Variants in POM121C observed in about 807,000 individuals in gnomAD.
POM121C encodes POM121 transmembrane nucleoporin C.
Under a neutral mutation model 66.4 loss-of-function variants are expected in POM121C, and 20 were observed. The observed-to-expected ratio is 0.30, with a 90% CI of 0.21 to 0.44. POM121C has a LOEUF of 0.44. POM121C is among the 20% of genes least tolerant of loss of function. The pLI is 1.00. For missense variants in POM121C, 580 were observed against 1,225.7 expected (o/e 0.47, Z 7.87); for synonymous variants, 286 against 528.0 (o/e 0.54, Z 6.28).
intron 7 of POM121C, among the ~76,000 whole-genome samples, chr7:75,431,271 T>C (rs1417671033): frequency 6.6e-6 from 1 of 152,006 alleles, no homozygotes; most frequent in East Asian, 1.9e-4. Context: ...GGTGAGGATA[T>C]GGAACAACAT....
At chr7:75,436,472 A>C in intron 7 of POM121C, among the ~76,000 whole-genome samples, 1 of 152,240 alleles carries the variant, frequency 6.6e-6, no homozygotes, top group Middle Eastern at 3.2e-3. Flanking sequence ...CTAGATATTA[A>C]ATAATATTAA....
intron 3 of POM121C, among the ~76,000 whole-genome samples, chr7:75,469,122 C>T (rs1791781786): frequency 6.6e-6 from 1 of 150,494 alleles, no homozygotes; most frequent in Admixed American, 6.7e-5. Context: ...TTTTCCTAGA[C>T]AGGGTCTTGC....
At chr7:75,426,670 T>C (rs1444580231) in intron 7 of POM121C, among the ~76,000 whole-genome samples, 1 of 65,328 alleles carries the variant, frequency 1.5e-5, no homozygotes, top group African/African-American at 6.1e-5. Flanking sequence ...CCCCCGTCTC[T>C]ACAAAAAATT....
rs57918412 is a variant in POM121C, at chr7:75,477,110, T to TACACACAC, written c.-457-1930_-457-1923dup. Among the ~76,000 whole-genome samples, 854 of 140,646 alleles carry TACACACAC rather than the reference T, an allele frequency of 6.1e-3. 5 individuals carry two copies. Among genetic ancestry groups the TACACACAC allele is most frequent in the East Asian group, 9.9e-3 (46 of 4,634 alleles). The allele number at this position is 140,646 out of a possible 152,430, so 92.3% of individuals were successfully genotyped here. On this transcript the variant is annotated intron_variant, in intron 1 of 14. Transcript: ENST00000615331. The stretch of plus-strand genomic sequence containing the variant: ...AGCACATATATACAGTTTGCGTGTA[T>TACACACAC]ACACACACACACACACACACACACT...
intron 3 of POM121C, among the ~76,000 whole-genome samples, chr7:75,447,721 TA>T (rs1326314222): frequency 1.8e-4 from 25 of 141,498 alleles, no homozygotes; most frequent in Admixed American, 5.7e-4. Flanking sequence ...ACCCTGTCTC[TA>T]AAAAAAAAAA....
intron 3 of POM121C, among the ~76,000 whole-genome samples, chr7:75,450,048 G>C (rs1447777303): frequency 6.6e-6 from 1 of 151,846 alleles, no homozygotes; most frequent in Admixed American, 6.6e-5. Context: ...AAATGCCAGA[G>C]ACGTGCAGAG....
chr7:75,421,341 G>A (rs1242529530), intron 13 of POM121C, 168 bp downstream of exon 13: 119 of 1,464,302 alleles, frequency 8.1e-5, no homozygotes, highest in Non-Finnish European at 1.1e-4. Flanking sequence ...GGCTCCTCCA[G>A]TCATTACTAC....
In POM121C at chr7:75,417,130, C is replaced by T. The variant is rs1371749050; in HGVS notation, c.*1666G>A. The T allele has an allele frequency of 1.9e-5, 19 of 1,010,324 alleles. No individual in the cohort carries two copies. In the African/African-American group the frequency reaches 3.1e-4, roughly 16 times the overall value. The allele number at this position is 1,010,324 out of a possible 1,614,324, so 62.6% of individuals were successfully genotyped here. A position where few individuals can be genotyped will look rare whatever the true frequency, so the allele number is the denominator to read the frequency against. The stretch of plus-strand genomic sequence containing the variant: ...GGTATTTAGGCTTGAGGTTCACTCC[C>T]TCCTCAGCTGCACACGCAGCCAGGT... On this transcript the variant is annotated 3_prime_UTR_variant, in exon 15 of 15. Coordinates refer to ENST00000615331, the MANE Select transcript of POM121C (RefSeq NM_001099415.3).
intron 1 of POM121C, among the ~76,000 whole-genome samples, chr7:75,481,956 C>T (rs1792324999): frequency 6.6e-6 from 1 of 152,102 alleles, no homozygotes; most frequent in Non-Finnish European, 1.5e-5. Context: ...TAGTTCTTAA[C>T]TTCACAAAAA....
intron 1 of POM121C, chr7:75,484,394 G>A: frequency 1.9e-6 from 1 of 537,522 alleles, no homozygotes; most frequent in Non-Finnish European, 3.3e-6. Context: ...ACTCAGAAGG[G>A]TCTAAAAGAG....
chr7:75,433,965 C>T (rs189575715), intron 7 of POM121C, among the ~76,000 whole-genome samples: 4 of 152,276 alleles, frequency 2.6e-5, no homozygotes, highest in East Asian at 1.9e-4. Context: ...TCAAAGGGTG[C>T]GTGTATCTCT....
chr7:75,448,466 T>G, intron 3 of POM121C, among the ~76,000 whole-genome samples: 1 of 103,354 alleles, frequency 9.7e-6, no homozygotes, highest in Non-Finnish European at 1.8e-5. Context: ...AAGGGCAGAG[T>G]AGACAGCTCC....
At chr7:75,465,591 G>A (rs1584703249) in intron 3 of POM121C, among the ~76,000 whole-genome samples, 1 of 151,268 alleles carries the variant, frequency 6.6e-6, no homozygotes, top group South Asian at 2.1e-4. Flanking sequence ...CGTCTCTACT[G>A]AAAAGACAAA....
chr7:75,437,317 T>G (rs1467564173), intron 7 of POM121C, among the ~76,000 whole-genome samples, 198 bp downstream of exon 7: 9 of 152,216 alleles, frequency 5.9e-5, no homozygotes, highest in African/African-American at 2.2e-4. Flanking sequence ...TTAAAAAAAT[T>G]TCTTTAAAGA....
chr7:75,454,029 C>T lies in POM121C; in HGVS notation c.-151-12382G>A, dbSNP rs587697727. On this transcript the variant is annotated intron_variant, in intron 3 of 14. Coordinates refer to ENST00000615331, the MANE Select transcript of POM121C (RefSeq NM_001099415.3). ...AAGGCATGACATTTTTACAGTGCAG[C>T]CTGGCTATCTCATAGCGTCGCTTCT... Among the ~76,000 whole-genome samples, 4 of 152,334 alleles carry T rather than the reference C, an allele frequency of 2.6e-5. No homozygotes were observed. The East Asian group carries it at 7.7e-4, about 29-fold the overall frequency.
chr7:75,485,174 TTAAAA>T (rs1352268821), intron 1 of POM121C, among the ~76,000 whole-genome samples: 7 of 152,156 alleles, frequency 4.6e-5, no homozygotes, highest in Admixed American at 2.0e-4. Flanking sequence ...TTTAAACTGC[TTAAAA>T]TAAAATAAGC....
At position 75,437,498 on chromosome 7, in the gene POM121C, A is replaced by G; in HGVS notation, c.480+17T>C. 1 of 1,596,246 alleles carries G rather than the reference A, an allele frequency of 6.3e-7. No individual in the cohort carries two copies. The highest frequency in any genetic ancestry group is 8.6e-7 in the Non-Finnish European group (1 of 1,166,956). On this transcript the variant is annotated intron_variant, in intron 7 of 14. Transcript: ENST00000615331. ...TGGGAATTCATGCCCCCCACATTAC[A>G]AGAGCTGTACTTGTACCTGTGAGAT...
chr7:75,441,517 G>A lies in POM121C; in HGVS notation c.-21C>T. ...ACCATCCTGGAGTTGCGAGGGGACA[G>A]CACAGCCTTCTTGTGATAACCATTC... On this transcript the variant is annotated 5_prime_UTR_variant, in exon 4 of 15. Coordinates refer to ENST00000615331, the MANE Select transcript of POM121C (RefSeq NM_001099415.3). The A allele has an allele frequency of 1.2e-6, 2 of 1,613,890 alleles. No homozygotes were observed. Among genetic ancestry groups the A allele is most frequent in the East Asian group, 2.2e-5 (1 of 44,890 alleles).
intron 3 of POM121C, among the ~76,000 whole-genome samples, chr7:75,443,165 A>G (rs1790726572): frequency 6.6e-6 from 1 of 152,230 alleles, no homozygotes; most frequent in Non-Finnish European, 1.5e-5. Flanking sequence ...ACGTGGGACG[A>G]TTACCTACCA....
Sources: gnomAD v4.1 joint callset for allele counts (sites outside exome capture counted in the v4.1 genomes callset) on GRCh38, gnomAD v4.1.1 for gene constraint, MANE v1.5 for transcripts, NCBI Gene and HGNC (gene_info 2026-07-23, HGNC 2026-07-21) for gene names.